The following RHBDD1 variants were observed in gnomAD, a reference collection of about 807,000 sequenced individuals.
The protein encoded by RHBDD1 is rhomboid-related protein 4.
Under a neutral mutation model 36.3 loss-of-function variants are expected in RHBDD1, and 38 were observed. That is an observed-to-expected ratio of 1.05 (90% CI 0.81 to 1.37). The LOEUF (loss-of-function observed/expected upper bound fraction) is 1.37. Ranked by LOEUF, RHBDD1 falls within the 40% of genes most tolerant of loss-of-function variation. RHBDD1 has a pLI of 0.00. For missense variants in RHBDD1, 393 were observed against 377.6 expected, an observed-to-expected ratio of 1.04 and a Z score of -0.34; for synonymous variants, 151 against 136.5, an observed-to-expected ratio of 1.11 and a Z score of -0.74.
intron 8 of RHBDD1, among the ~76,000 whole-genome samples, chr2:226,955,262 A>G (rs1448104106): frequency 6.6e-6 from 1 of 152,198 alleles, no homozygotes; most frequent in Non-Finnish European, 1.5e-5. Flanking sequence ...CAGTCAAGGG[A>G]TCCATGTGCT....
intron 8 of RHBDD1, among the ~76,000 whole-genome samples, chr2:226,983,890 C>A (rs1489671453): frequency 1.3e-5 from 2 of 152,276 alleles, no homozygotes; most frequent in Admixed American, 6.5e-5. Context: ...AAAAATGCTT[C>A]TTTATACCTT....
At chr2:226,840,892 TTTC>T in intron 3 of RHBDD1, among the ~76,000 whole-genome samples, 1 of 152,228 alleles carries the variant, frequency 6.6e-6, no homozygotes, top group African/African-American at 2.4e-5. Flanking sequence ...GGGTTTTTTT[TTTC>T]TTAAGTAAAA....
chr2:226,876,859 G>T (rs746702165), intron 5 of RHBDD1, among the ~76,000 whole-genome samples: 1 of 152,122 alleles, frequency 6.6e-6, no homozygotes, highest in African/African-American at 2.4e-5. Context: ...CACAATATGT[G>T]TTCACATAGA....
rs1559208370 is a variant in RHBDD1, at chr2:226,864,823, A to C, written c.130A>C (p.Asn44His). The part of the protein sequence containing the change: ...TLALNIWFFL[N>H]PQKPLYSSCL... ...GGCCCTCAACATCTGGTTCTTCTTG[A>C]ACCCTCAGAAGCCACTGTATAGCTC... is the stretch of plus-strand genomic sequence containing the variant. The change falls in exon 4 of 9, where the codon AAC becomes CAC. Residue 44 changes from asparagine to histidine, a missense_variant. Coordinates refer to ENST00000392062, the MANE Select transcript of RHBDD1 (RefSeq NM_001167608.3). The C allele has an allele frequency of 6.2e-7, 1 of 1,614,078 alleles. No homozygotes were observed. Among genetic ancestry groups the C allele is most frequent in the African/African-American group, 1.3e-5 (1 of 74,924 alleles).
At chr2:226,945,449 G>A (rs1950922391) in intron 8 of RHBDD1, among the ~76,000 whole-genome samples, 2 of 152,000 alleles carry the variant, frequency 1.3e-5, no homozygotes, top group Admixed American at 1.3e-4. Flanking sequence ...TGAAAATGAT[G>A]GTTTCCAGCT....
chr2:226,905,409 A>G (rs370450811), intron 5 of RHBDD1, among the ~76,000 whole-genome samples: 3 of 152,120 alleles, frequency 2.0e-5, no homozygotes, highest in East Asian at 1.9e-4. Flanking sequence ...GGCTTAGCCT[A>G]TGGTCAGAGA....
In RHBDD1 at chr2:226,990,866, G is replaced by T. The variant is rs143639965; in HGVS notation, c.857-4565G>T. On this transcript the variant is annotated intron_variant, in intron 8 of 8. Transcript: ENST00000392062. ...CCATTGACAAAAACACAGAGGCAAG[G>T]CTCATAAATACTCATATTCTCTACC... Among the ~76,000 whole-genome samples the T allele has an allele frequency of 1.6e-3, 241 of 152,206 alleles. 1 individual carries two copies. Among genetic ancestry groups the T allele is most frequent in the African/African-American group, 5.6e-3 (232 of 41,522 alleles).
chr2:226,927,336 TTTTTTTTG>T (rs962434095), intron 8 of RHBDD1, among the ~76,000 whole-genome samples: 10 of 151,348 alleles, frequency 6.6e-5, no homozygotes, highest in Admixed American at 1.3e-4. Flanking sequence ...TACCAGAAGT[TTTTTTTTG>T]TTTTTTTGTT....
the RHBDD1 span, among the ~76,000 whole-genome samples, chr2:226,817,459 A>G: frequency 6.6e-6 from 1 of 152,244 alleles, no homozygotes; most frequent in Non-Finnish European, 1.5e-5. Flanking sequence ...CAGGGAACCA[A>G]GAGGAAATAA....
intron 3 of RHBDD1, among the ~76,000 whole-genome samples, chr2:226,842,235 A>G (rs1270729009): frequency 1.3e-5 from 2 of 152,042 alleles, no homozygotes; most frequent in Non-Finnish European, 2.9e-5. Context: ...CCCATTCTGT[A>G]GGTTGTCTGT....
chr2:226,959,676 A>G (rs1276340265), intron 8 of RHBDD1, among the ~76,000 whole-genome samples: 1 of 152,198 alleles, frequency 6.6e-6, no homozygotes, highest in South Asian at 2.1e-4. Flanking sequence ...TTGGATTTCC[A>G]GTTTTTGGCT....
chr2:226,896,775 GC>G (rs141865963), intron 5 of RHBDD1, among the ~76,000 whole-genome samples: 17,743 of 152,070 alleles, frequency 0.12, 1,334 homozygotes, highest in Admixed American at 0.21. Flanking sequence ...AGCACCCTGT[GC>G]CCATATTTCT....
rs1400057745 is a variant in RHBDD1, at chr2:226,874,119, A to G, written c.566+6801A>G. 2.0e-5 allele frequency among the ~76,000 whole-genome samples: 3 copies of G among 152,090 alleles called. No individual in the cohort carries two copies. In the South Asian group the frequency reaches 6.2e-4, roughly 32 times the overall value. Reference sequence around the variant, plus strand: ...GACCAGCATGGGAGAAACTGCACCCATGTTCCACTCACCTCCTACCAGGAC... The same window carrying G: ...GACCAGCATGGGAGAAACTGCACCCGTGTTCCACTCACCTCCTACCAGGAC... On this transcript the variant is annotated intron_variant, in intron 5 of 8. Coordinates refer to ENST00000392062, the MANE Select transcript of RHBDD1 (RefSeq NM_001167608.3).
At chr2:226,917,140 T>C (rs1418558418) in intron 8 of RHBDD1, among the ~76,000 whole-genome samples, 1 of 151,988 alleles carries the variant, frequency 6.6e-6, no homozygotes, top group Non-Finnish European at 1.5e-5. Flanking sequence ...ATTTTTCCTG[T>C]TTAACAGTAA....
chr2:226,907,532 T>TC (rs1948156044), intron 6 of RHBDD1, among the ~76,000 whole-genome samples: 1 of 152,044 alleles, frequency 6.6e-6, no homozygotes, highest in South Asian at 2.1e-4. Flanking sequence ...TGCAAACACT[T>TC]GTTTTATAGA....
At chr2:226,949,895 GT>G (rs1309021953) in intron 8 of RHBDD1, among the ~76,000 whole-genome samples, 1 of 152,006 alleles carries the variant, frequency 6.6e-6, no homozygotes, top group African/African-American at 2.4e-5. Context: ...AGTCAGATTG[GT>G]TTAAGGATCA....
chr2:226,881,885 T>A (rs1489794334), intron 5 of RHBDD1, among the ~76,000 whole-genome samples: 3 of 152,240 alleles, frequency 2.0e-5, no homozygotes, highest in Admixed American at 6.5e-5. Flanking sequence ...CTGTGATTTT[T>A]CTGTTTGTGT....
the RHBDD1 span, among the ~76,000 whole-genome samples, chr2:226,811,312 G>GT: frequency 0.011 from 1,712 of 151,972 alleles, 36 homozygotes; most frequent in African/African-American, 0.039. Flanking sequence ...TTATTTTTCT[G>GT]TTTTTTTGAG....
intron 8 of RHBDD1, among the ~76,000 whole-genome samples, chr2:226,970,856 G>A (rs369936389): frequency 1.3e-5 from 2 of 152,198 alleles, no homozygotes; most frequent in South Asian, 2.1e-4. Context: ...GAGGGATATC[G>A]TGCCCATCAT....
Sources: allele counts gnomAD v4.1 joint callset (sites outside exome capture counted in the v4.1 genomes callset), GRCh38; gene constraint gnomAD v4.1.1; transcripts MANE v1.5; gene names NCBI Gene and HGNC (gene_info 2026-07-23, HGNC 2026-07-21).